Variants in DMD observed in about 807,000 individuals in gnomAD.
The protein encoded by DMD is dystrophin.
In DMD, 63 loss-of-function variants were observed where a neutral mutation model predicts 330.1. The observed-to-expected ratio is 0.19, with a 90% CI of 0.16 to 0.24. The LOEUF (loss-of-function observed/expected upper bound fraction) is 0.24. Among genes scored for constraint, DMD ranks in the 10% least tolerant of loss-of-function variants. The pLI, the probability that DMD is intolerant of heterozygous loss-of-function variation, is 1.00. For synonymous variants in DMD, 1,223 were observed against 959.8 expected (o/e 1.27, Z -5.07); for missense variants, 3,344 against 2,684.1 (o/e 1.25, Z -5.43).
intron 76 of DMD, among the ~76,000 whole-genome samples, chrX:31,141,040 A>T (rs1357816020): frequency 9.0e-6 from 1 of 111,064 alleles, no homozygotes; most frequent in Non-Finnish European, 1.9e-5. Context: ...AAAATACAAG[A>T]AAAAGTAGCC....
intron 2 of DMD, among the ~76,000 whole-genome samples, chrX:32,978,459 T>A (rs1358593040): frequency 8.9e-6 from 1 of 111,966 alleles, no homozygotes; most frequent in South Asian, 3.7e-4. Flanking sequence ...GCTCTTTGCA[T>A]GGATTTTTAA....
At chrX:32,440,898 G>C (rs2098279291) in intron 28 of DMD, among the ~76,000 whole-genome samples, 1 of 110,988 alleles carries the variant, frequency 9.0e-6, no homozygotes. Flanking sequence ...TGTCTTTGCA[G>C]GTTTGTGGTA....
At chrX:32,190,133 G>A (rs192889034) in intron 44 of DMD, among the ~76,000 whole-genome samples, 37 of 110,741 alleles carry the variant, frequency 3.3e-4, no homozygotes, top group African/African-American at 9.8e-4. Flanking sequence ...GCATCTAATG[G>A]GCAGAGGTCA....
intron 17 of DMD, among the ~76,000 whole-genome samples, chrX:32,524,099 ATT>A (rs1259391008): frequency 9.3e-6 from 1 of 107,572 alleles, no homozygotes; most frequent in African/African-American, 3.4e-5. Flanking sequence ...CGCCCGGCTA[ATT>A]TTTTTTGTAT....
intron 74 of DMD, among the ~76,000 whole-genome samples, chrX:31,148,058 T>C (rs761076499): frequency 9.0e-5 from 10 of 110,892 alleles, no homozygotes; most frequent in Admixed American, 1.9e-4. Flanking sequence ...AAGCAGAAGC[T>C]CCCTCACATG....
At chrX:31,265,823 A>T (rs1362605099) in intron 62 of DMD, among the ~76,000 whole-genome samples, 1 of 101,339 alleles carries the variant, frequency 9.9e-6, no homozygotes, top group Non-Finnish European at 2.0e-5. Context: ...GATGACAGGG[A>T]TAAAGCAGAA....
intron 62 of DMD, chrX:31,266,793 G>A: frequency 8.3e-7 from 1 of 1,198,923 alleles, no homozygotes; most frequent in African/African-American, 1.7e-5. Flanking sequence ...ACGGGGCCGG[G>A]GCCGCGATCC....
intron 17 of DMD, among the ~76,000 whole-genome samples, chrX:32,538,804 G>A (rs2148922566): frequency 9.0e-6 from 1 of 111,176 alleles, no homozygotes; most frequent in African/African-American, 3.3e-5. Context: ...TGAAGCATGA[G>A]AACCACTGTT....
At chrX:31,130,205 T>G (rs2034298229) in intron 77 of DMD, among the ~76,000 whole-genome samples, 1 of 112,162 alleles carries the variant, frequency 8.9e-6, no homozygotes, top group Non-Finnish European at 1.9e-5. Context: ...TATAAAAATA[T>G]CTTTGTTAGT....
At chrX:31,462,011 C>G (rs150650689) in intron 59 of DMD, among the ~76,000 whole-genome samples, 85 of 111,892 alleles carry the variant, frequency 7.6e-4, no homozygotes, top group South Asian at 5.6e-3. Flanking sequence ...CAATTGTGTG[C>G]ATCTCCTCCC....
intron 44 of DMD, among the ~76,000 whole-genome samples, chrX:31,999,402 G>C (rs778900321): frequency 1.8e-5 from 2 of 111,711 alleles, no homozygotes; most frequent in Admixed American, 1.9e-4. Flanking sequence ...TAAAATTAAA[G>C]CAAAATAATA....
intron 60 of DMD, among the ~76,000 whole-genome samples, chrX:31,359,423 T>TG (rs753740119): frequency 1.9e-3 from 211 of 112,178 alleles, no homozygotes; most frequent in African/African-American, 6.6e-3. Flanking sequence ...ACGAATTTTA[T>TG]GACTCAGGAA....
intron 7 of DMD, among the ~76,000 whole-genome samples, chrX:32,786,086 A>AGT (rs368269067): frequency 0.14 from 13,054 of 96,358 alleles, 717 homozygotes; most frequent in African/African-American, 0.17. Flanking sequence ...GAGGAATAAG[A>AGT]GTGTGTGTGT....
intron 7 of DMD, among the ~76,000 whole-genome samples, chrX:32,779,695 G>A (rs1328644091): frequency 1.2e-5 from 1 of 81,961 alleles, no homozygotes; most frequent in African/African-American, 4.8e-5. Context: ...GCTGCATACG[G>A]CCTGTGGTGG....
intron 76 of DMD, among the ~76,000 whole-genome samples, chrX:31,141,642 G>GTATGGAAGGTAA (rs2036066777): frequency 9.1e-6 from 1 of 110,439 alleles, no homozygotes; most frequent in Admixed American, 9.6e-5. Context: ...AGCTAAGGAA[G>GTATGGAAGGTAA]GCAGGTAAAG....
rs146181925 is a variant in DMD at position 32,840,973 on chromosome X, C to A, written c.264+3810G>T. On this transcript the variant is annotated intron_variant, in intron 4 of 78. Coordinates refer to ENST00000357033, the MANE Select transcript of DMD (RefSeq NM_004006.3). ...CATTTTCACATTTAGTAGATCATGCCCAACTCTTTAATTAGTTGCCTGAAT... is the reference window on the plus strand; with the variant it reads ...CATTTTCACATTTAGTAGATCATGCACAACTCTTTAATTAGTTGCCTGAAT... 6.9e-4 allele frequency among the ~76,000 whole-genome samples: 77 copies of A among 111,541 alleles called. 1 individual carries two copies. In the East Asian group the frequency reaches 0.018, roughly 26 times the overall value.
At chrX:33,234,074 C>T (rs2052435216) in intron 1 of DMD, among the ~76,000 whole-genome samples, 1 of 111,659 alleles carries the variant, frequency 9.0e-6, no homozygotes, top group Non-Finnish European at 1.9e-5. Context: ...AAGCCAGAGC[C>T]CTTGCTTCCT....
intron 55 of DMD, among the ~76,000 whole-genome samples, chrX:31,593,942 CTAAA>C (rs1261327071): frequency 1.8e-5 from 2 of 111,161 alleles, no homozygotes; most frequent in African/African-American, 6.5e-5. Flanking sequence ...ATAAAACACA[CTAAA>C]TAATTAAAAG....
intron 57 of DMD, among the ~76,000 whole-genome samples, chrX:31,483,685 G>A (rs2035962250): frequency 8.9e-6 from 1 of 112,332 alleles, no homozygotes; most frequent in South Asian, 3.7e-4. Flanking sequence ...GTGGATGGAA[G>A]AGAGGGTTAA....
Sources: allele counts gnomAD v4.1 joint callset (sites outside exome capture counted in the v4.1 genomes callset), GRCh38; gene constraint gnomAD v4.1.1; transcripts MANE v1.5; gene names NCBI Gene and HGNC (gene_info 2026-07-23, HGNC 2026-07-21).